Variants in TMEFF2 observed in about 807,000 individuals in gnomAD.
TMEFF2 encodes the protein tomoregulin-2.
In TMEFF2, 28 loss-of-function variants were observed where a neutral mutation model predicts 53.8. That is an observed-to-expected ratio of 0.52 (90% CI 0.39 to 0.71). The LOEUF is 0.71. Ranked by LOEUF, TMEFF2 falls within the 30% of genes least tolerant of loss-of-function variation. The pLI, the probability that TMEFF2 is intolerant of heterozygous loss-of-function variation, is 0.00. For synonymous variants in TMEFF2, 162 were observed against 166.3 expected, an observed-to-expected ratio of 0.97 and a Z score of 0.20; for missense variants, 353 against 455.2, an observed-to-expected ratio of 0.78 and a Z score of 2.04.
chr2:192,110,046 C>G (rs986488562), intron 4 of TMEFF2, among the ~76,000 whole-genome samples: 1 of 152,002 alleles, frequency 6.6e-6, no homozygotes, highest in Admixed American at 6.6e-5. Context: ...GAGTCTGTGA[C>G]TATTCACTGA....
chr2:191,957,102 C>CGTTATCG (rs1692127660), intron 7 of TMEFF2, among the ~76,000 whole-genome samples: 1 of 152,170 alleles, frequency 6.6e-6, no homozygotes, highest in Non-Finnish European at 1.5e-5. Flanking sequence ...AACGTGGATT[C>CGTTATCG]TAAAGTGAAC....
intron 4 of TMEFF2, among the ~76,000 whole-genome samples, chr2:192,095,141 C>T (rs1352675948): frequency 2.0e-5 from 3 of 152,096 alleles, no homozygotes; most frequent in African/African-American, 7.2e-5. Context: ...TATCCACAGC[C>T]AGCTTTCCTT....
chr2:191,951,693 G>C (rs1691888376), intron 9 of TMEFF2, among the ~76,000 whole-genome samples: 1 of 152,092 alleles, frequency 6.6e-6, no homozygotes, highest in Non-Finnish European at 1.5e-5. Context: ...AATGTTTTCA[G>C]GTGAGTGAAA....
chr2:192,006,651 G>T (rs1387572606), intron 5 of TMEFF2, among the ~76,000 whole-genome samples: 1 of 152,146 alleles, frequency 6.6e-6, no homozygotes, highest in Non-Finnish European at 1.5e-5. Flanking sequence ...CATATCAACT[G>T]CTTAACAAAG....
chr2:192,188,691 A>G (rs1426776284), intron 2 of TMEFF2, among the ~76,000 whole-genome samples: 1 of 152,226 alleles, frequency 6.6e-6, no homozygotes, highest in African/African-American at 2.4e-5. Flanking sequence ...GAAAAACATA[A>G]GGCTTCATCA....
At chr2:192,112,746 T>C (rs1459998283) in intron 4 of TMEFF2, among the ~76,000 whole-genome samples, 3 of 152,148 alleles carry the variant, frequency 2.0e-5, no homozygotes, top group African/African-American at 7.2e-5. Flanking sequence ...TCATGTGTTA[T>C]TGGAGGAACT....
chr2:192,129,411 T>C (rs2105975067), intron 4 of TMEFF2, among the ~76,000 whole-genome samples: 1 of 151,856 alleles, frequency 6.6e-6, no homozygotes, highest in South Asian at 2.1e-4. Context: ...AATACCTTTC[T>C]GACCATGATG....
intron 4 of TMEFF2, among the ~76,000 whole-genome samples, chr2:192,173,333 A>G (rs1690960995): frequency 6.6e-6 from 1 of 151,906 alleles, no homozygotes; most frequent in Non-Finnish European, 1.5e-5. Context: ...TATAAACTAT[A>G]CAGCATTTTA....
chr2:192,082,925 G>T (rs1393494901), intron 4 of TMEFF2, among the ~76,000 whole-genome samples: 1 of 150,108 alleles, frequency 6.7e-6, no homozygotes, highest in Non-Finnish European at 1.5e-5. Flanking sequence ...CCTGCGTTTG[G>T]AATGTGTCGA....
At chr2:192,189,656 C>T (rs1253150640) in intron 2 of TMEFF2, among the ~76,000 whole-genome samples, 1 of 151,458 alleles carries the variant, frequency 6.6e-6, no homozygotes, top group Non-Finnish European at 1.5e-5. Flanking sequence ...CAATACCTCT[C>T]CCTTTTTATC....
chr2:192,108,301 C>T lies in TMEFF2; in HGVS notation c.440-50526G>A, dbSNP rs1033696745. Among the ~76,000 whole-genome samples, 4 of 151,928 alleles carry T rather than the reference C, an allele frequency of 2.6e-5. 1 individual carries two copies. The highest frequency in any genetic ancestry group is 6.8e-3 in the Middle Eastern group (2 of 294). On this transcript the variant is annotated intron_variant, in intron 4 of 9. Transcript: ENST00000272771. ...AATGTTTCTGATTCCCTAACAACAA[C>T]TTGAATTGGATGCAATATTCATATG... is the stretch of plus-strand genomic sequence containing the variant.
chr2:192,132,517 C>A (rs1177335406), intron 4 of TMEFF2, among the ~76,000 whole-genome samples: 1 of 152,096 alleles, frequency 6.6e-6, no homozygotes, highest in Non-Finnish European at 1.5e-5. Context: ...CCCTCAAACC[C>A]CACAACAGGA....
At chr2:192,020,846 C>T (rs561182525) in intron 5 of TMEFF2, among the ~76,000 whole-genome samples, 1 of 152,068 alleles carries the variant, frequency 6.6e-6, no homozygotes, top group Non-Finnish European at 1.5e-5. Flanking sequence ...ATAATATAAC[C>T]TTCATTTGAC....
intron 4 of TMEFF2, among the ~76,000 whole-genome samples, chr2:192,161,353 A>G (rs1309030221): frequency 6.6e-6 from 1 of 151,888 alleles, no homozygotes; most frequent in Non-Finnish European, 1.5e-5. Flanking sequence ...GGGTTTCACC[A>G]TGTTGGCCAG....
At chr2:192,158,441 C>T (rs144011705) in intron 4 of TMEFF2, among the ~76,000 whole-genome samples, 170 of 152,214 alleles carry the variant, frequency 1.1e-3, no homozygotes, top group African/African-American at 4.0e-3. Flanking sequence ...TTACTTGGCA[C>T]AGAGTTGGTA....
intron 4 of TMEFF2, among the ~76,000 whole-genome samples, chr2:192,116,191 T>C (rs1689400003): frequency 6.6e-6 from 1 of 152,034 alleles, no homozygotes; most frequent in Admixed American, 6.6e-5. Context: ...TGCAACAATA[T>C]GGATGAACCT....
At position 191,970,414 on chromosome 2, in the gene TMEFF2, C is replaced by T. The variant is rs188315820; in HGVS notation, c.746-14036G>A. On this transcript the variant is annotated intron_variant, in intron 7 of 9. Coordinates refer to ENST00000272771, the MANE Select transcript of TMEFF2 (RefSeq NM_016192.4). ...TACTGGATGAGGGTGGGTCCCAAAT[C>T]CATGACTGGTGTCCTCAAGAGGAAG... Among the ~76,000 whole-genome samples the T allele has an allele frequency of 1.7e-3, 252 of 151,800 alleles. 1 individual carries two copies. The highest frequency in any genetic ancestry group is 6.0e-3 in the African/African-American group (247 of 41,384).
chr2:191,990,010 G>A (rs1462557681), intron 7 of TMEFF2, among the ~76,000 whole-genome samples: 1 of 152,080 alleles, frequency 6.6e-6, no homozygotes, highest in Non-Finnish European at 1.5e-5. Context: ...CTCAGAGGTG[G>A]AGTACTGTCC....
At chr2:192,139,014 T>G (rs368137251) in intron 4 of TMEFF2, among the ~76,000 whole-genome samples, 1 of 152,280 alleles carries the variant, frequency 6.6e-6, no homozygotes, top group Middle Eastern at 3.4e-3. Flanking sequence ...AAATAAAGAA[T>G]CTGTATCCAA....
Sources: allele counts gnomAD v4.1 joint callset (sites outside exome capture counted in the v4.1 genomes callset), GRCh38; gene constraint gnomAD v4.1.1; transcripts MANE v1.5; gene names NCBI Gene and HGNC (gene_info 2026-07-23, HGNC 2026-07-21).